Variants in UGT1A10 observed in about 807,000 individuals in gnomAD.
The protein encoded by UGT1A10 is UDP glucuronosyltransferase family 1 member A10.
A neutral mutation model predicts 45.8 loss-of-function variants in UGT1A10; 49 were observed. The observed-to-expected ratio is 1.07, with a 90% CI of 0.85 to 1.36. UGT1A10 has a LOEUF of 1.36. Among genes scored for constraint, UGT1A10 ranks in the 40% most tolerant of loss-of-function variants. The probability of loss-of-function intolerance (pLI) is 0.00; values close to 1 mark genes in which losing one functional copy is unlikely to be tolerated. For missense variants in UGT1A10, 745 were observed against 668.6 expected (o/e 1.11, Z -1.26); for synonymous variants, 284 against 249.7 (o/e 1.14, Z -1.29).
chr2:233,679,862 A>G (rs1360236896), intron 1 of UGT1A10, among the ~76,000 whole-genome samples: 1 of 152,188 alleles, frequency 6.6e-6, no homozygotes, highest in Non-Finnish European at 1.5e-5. Flanking sequence ...ATCTATAAAT[A>G]AGCCTTTCTT....
At chr2:233,644,591 A>G (rs1487590258) in intron 1 of UGT1A10, among the ~76,000 whole-genome samples, 1 of 151,938 alleles carries the variant, frequency 6.6e-6, no homozygotes, top group Non-Finnish European at 1.5e-5. Context: ...TAAATAAATA[A>G]ATAAACGCTC....
At chr2:233,674,739 T>A (rs1327619625) in intron 1 of UGT1A10, among the ~76,000 whole-genome samples, 1 of 152,192 alleles carries the variant, frequency 6.6e-6, no homozygotes, top group African/African-American at 2.4e-5. Context: ...TTACATATAT[T>A]AATGTATGTA....
rs1700550543 is a variant in UGT1A10, at chr2:233,772,835, G to A, written c.*276G>A. ...GACGTGCAGACAGGCTGGCATTCTA[G>A]ATTACTTTTCTTACTCTGAAACATG... On this transcript the variant is annotated 3_prime_UTR_variant, in exon 5 of 5. Transcript: ENST00000344644. 1.1e-6 allele frequency: 1 copy of A among 887,832 alleles called. No individual in the cohort carries two copies. Among genetic ancestry groups the A allele is most frequent in the Non-Finnish European group, 1.6e-6 (1 of 638,112 alleles). The allele number at this position is 887,832 out of a possible 1,614,324, so 55.0% of individuals were successfully genotyped here. A position where few individuals can be genotyped will look rare whatever the true frequency, so the allele number is the denominator to read the frequency against.
At chr2:233,717,518 T>A (rs2076583469) in intron 1 of UGT1A10, among the ~76,000 whole-genome samples, 1 of 152,220 alleles carries the variant, frequency 6.6e-6, no homozygotes, top group Non-Finnish European at 1.5e-5. Context: ...TGGGAGTAAC[T>A]TCCTCCATAA....
chr2:233,689,959 C>A (rs2074968106), intron 1 of UGT1A10: 1 of 456,312 alleles, frequency 2.2e-6, no homozygotes, highest in Non-Finnish European at 4.4e-6. Context: ...TATTTCCATG[C>A]TTGGAGGAAC....
chr2:233,686,416 T>C (rs2074788594), intron 1 of UGT1A10, among the ~76,000 whole-genome samples: 1 of 152,184 alleles, frequency 6.6e-6, no homozygotes, highest in Non-Finnish European at 1.5e-5. Context: ...GGTGTGCAGA[T>C]AAACACACGC....
chr2:233,735,492 A>G (rs997363481), intron 1 of UGT1A10, among the ~76,000 whole-genome samples: 3 of 152,118 alleles, frequency 2.0e-5, no homozygotes, highest in African/African-American at 7.2e-5. Flanking sequence ...TTTTAATTGC[A>G]GCATTTAGCC....
chr2:233,642,991 G>T (rs1191978447), intron 1 of UGT1A10, among the ~76,000 whole-genome samples: 12 of 152,152 alleles, frequency 7.9e-5, no homozygotes, highest in African/African-American at 2.7e-4. Flanking sequence ...GACTGTGCTG[G>T]ATCAGACCTG....
intron 1 of UGT1A10, among the ~76,000 whole-genome samples, chr2:233,705,160 G>A (rs111652799): frequency 2.0e-5 from 3 of 151,646 alleles, no homozygotes; most frequent in African/African-American, 7.3e-5. Context: ...GAGAGAGAGA[G>A]AGAGAATAAA....
chr2:233,661,887 C>T (rs756144873), intron 1 of UGT1A10, among the ~76,000 whole-genome samples: 9 of 151,840 alleles, frequency 5.9e-5, no homozygotes, highest in Non-Finnish European at 1.0e-4. Context: ...CTGATATGCA[C>T]CAAACATGAC....
chr2:233,705,322 A>C (rs144397415), intron 1 of UGT1A10, among the ~76,000 whole-genome samples: 9 of 152,304 alleles, frequency 5.9e-5, no homozygotes, highest in South Asian at 2.1e-4. Flanking sequence ...GTTTTTCAGC[A>C]ACACATTCTC....
At chr2:233,724,684 G>A (rs1018251695) in intron 1 of UGT1A10, among the ~76,000 whole-genome samples, 5 of 144,476 alleles carry the variant, frequency 3.5e-5, no homozygotes, top group Non-Finnish European at 6.0e-5. Context: ...ATGGGATGGC[G>A]GCCGGGTGAA....
intron 1 of UGT1A10, among the ~76,000 whole-genome samples, chr2:233,644,354 G>C (rs913356039): frequency 4.6e-5 from 7 of 152,134 alleles, no homozygotes; most frequent in Non-Finnish European, 8.8e-5. Context: ...GATCACTTGA[G>C]GCCAGGAGTT....
chr2:233,672,341 A>G (rs750055600), intron 1 of UGT1A10: 2 of 1,614,054 alleles, frequency 1.2e-6, no homozygotes, highest in Non-Finnish European at 1.7e-6. Context: ...TTAGTAGAAT[A>G]CTTAAAGGAG....
At chr2:233,747,106 C>T (rs1693563001) in intron 1 of UGT1A10, 1 of 1,377,620 alleles carries the variant, frequency 7.3e-7, no homozygotes, top group African/African-American at 1.5e-5. Context: ...CTTCCAATTA[C>T]ATGATGATTT....
At position 233,760,976 on chromosome 2, in the gene UGT1A10, A is replaced by G. The variant is rs754922685; in HGVS notation, c.856-6058A>G. 3 of 1,614,218 alleles carry G rather than the reference A, an allele frequency of 1.9e-6. No individual in the cohort carries two copies. The South Asian group carries it at 3.3e-5, about 18-fold the overall frequency. On this transcript the variant is annotated intron_variant, in intron 1 of 4. Transcript: ENST00000344644. The stretch of plus-strand genomic sequence containing the variant: ...CTGTGCGACGTGGTTTATTCCCCGT[A>G]TGCAACCCTTGCCTCAGAATTCCTT...
In UGT1A10 at chr2:233,740,798, C is replaced by T. The variant is rs557461962; in HGVS notation, c.856-26236C>T. On this transcript the variant is annotated intron_variant, in intron 1 of 4. Transcript: ENST00000344644. ...AAAAGATGAATACCCACATAACAGGCTCTAGCACTGTTCTGTTTTTGAGCT... is the reference window on the plus strand; with the variant it reads ...AAAAGATGAATACCCACATAACAGGTTCTAGCACTGTTCTGTTTTTGAGCT... The T allele has an allele frequency of 3.9e-5, 6 of 151,946 alleles. No individual in the cohort carries two copies. The East Asian group carries it at 1.2e-3, about 29-fold the overall frequency. The allele number at this position is 151,946 out of a possible 1,614,324, so 9.4% of individuals were successfully genotyped here.
At position 233,637,182 on chromosome 2, in the gene UGT1A10, C is replaced by T; in HGVS notation, c.660C>T (p.Cys220=). 4 of 1,613,928 alleles carry T rather than the reference C, an allele frequency of 2.5e-6. No individual in the cohort carries two copies. Among genetic ancestry groups the T allele is most frequent in the Non-Finnish European group, 3.4e-6 (4 of 1,179,856 alleles). ...TGCACTTGGAGGACCATTTATTTTG[C>T]CAGTATCTTTTTAGAAATGCCCTAG... ...HIVHLEDHLF[C]QYLFRNALEI... is the part of the protein sequence containing the mutation. The change falls in exon 1 of 5, where the codon TGC becomes TGT. Residue 220 remains cysteine, a synonymous_variant. Coordinates refer to ENST00000344644, the MANE Select transcript of UGT1A10 (RefSeq NM_019075.4).
intron 1 of UGT1A10, chr2:233,744,007 G>A: frequency 8.6e-7 from 1 of 1,163,688 alleles, no homozygotes; most frequent in Non-Finnish European, 1.1e-6. Flanking sequence ...TCGGAGACCT[G>A]GGCCGCCTGG....
Sources: allele counts gnomAD v4.1 joint callset (sites outside exome capture counted in the v4.1 genomes callset), GRCh38; gene constraint gnomAD v4.1.1; transcripts MANE v1.5; gene names NCBI Gene and HGNC (gene_info 2026-07-23, HGNC 2026-07-21).